LRRC4C: variants seen among roughly 807,000 people sequenced by gnomAD.
The protein encoded by LRRC4C is leucine-rich repeat-containing protein 4C.
In LRRC4C, 5 loss-of-function variants were observed where a neutral mutation model predicts 33.6. The observed-to-expected ratio is 0.15, with a 90% CI of 0.08 to 0.31. The LOEUF (loss-of-function observed/expected upper bound fraction) is 0.31, where lower values mean the gene tolerates loss of function less well. Among genes scored for constraint, LRRC4C ranks in the 10% least tolerant of loss-of-function variants. The pLI is 1.00. For synonymous variants in LRRC4C, 329 were observed against 302.0 expected (o/e 1.09, Z -0.93); for missense variants, 560 against 796.7 (o/e 0.70, Z 3.58).
At chr11:40,127,085 T>C (rs907240775) in intron 6 of LRRC4C, among the ~76,000 whole-genome samples, 1 of 152,146 alleles carries the variant, frequency 6.6e-6, no homozygotes, top group Admixed American at 6.5e-5. Context: ...GAGACCATCC[T>C]GGTGAACATG....
intron 1 of LRRC4C, among the ~76,000 whole-genome samples, chr11:41,128,770 AT>A (rs545519543): frequency 5.2e-4 from 79 of 152,018 alleles, no homozygotes; most frequent in African/African-American, 1.8e-3. Flanking sequence ...AGATTAAAAC[AT>A]TTTTTTAGGC....
Position 40,114,400 on chromosome 11 carries a change from A to G in LRRC4C, c.1893T>C (p.Ser631=), listed in dbSNP as rs144217399. The G allele has an allele frequency of 2.4e-5, 38 of 1,613,282 alleles. No homozygotes were observed. Among genetic ancestry groups the G allele is most frequent in the Non-Finnish European group, 3.1e-5 (37 of 1,179,742 alleles). ...VHEPLLIRMN[S]KDNVQETQI is the part of the protein sequence containing the mutation. ...TTTGAGTCTCTTGTACATTGTCTTT[A>G]GAGTTCATTCGGATCAATAACGGTT... is the stretch of plus-strand genomic sequence containing the variant. Residue 631 remains serine (S), a synonymous_variant, in exon 7 of 7, where the codon TCT becomes TCC. Coordinates refer to ENST00000528697, the MANE Select transcript of LRRC4C (RefSeq NM_001258419.2).
rs57575594 is a variant in LRRC4C, at chr11:40,225,790, T to C, written c.-96+15729A>G. On this transcript the variant is annotated intron_variant, in intron 5 of 6. Transcript: ENST00000528697. ...CACCACTACACCCGGCTAATATTTT[T>C]CTATTTTTAGTAGAGACAGGGTTTC... Among the ~76,000 whole-genome samples, 675 of 152,228 alleles carry C rather than the reference T, an allele frequency of 4.4e-3. 9 individuals carry two copies. The highest frequency in any genetic ancestry group is 0.028 in the Admixed American group (422 of 15,292).
chr11:40,834,911 GACACACACACACACACAC>G (rs10682975), intron 2 of LRRC4C, among the ~76,000 whole-genome samples: 1 of 84,826 alleles, frequency 1.2e-5, no homozygotes, highest in African/African-American at 3.5e-5. Flanking sequence ...CAGACAGACA[GACACACACACACACACAC>G]ACACACACAC....
At chr11:40,862,942 A>G (rs897905378) in intron 2 of LRRC4C, among the ~76,000 whole-genome samples, 2 of 152,186 alleles carry the variant, frequency 1.3e-5, no homozygotes, top group Non-Finnish European at 2.9e-5. Flanking sequence ...GGAACAAATG[A>G]TTTCTTCTGA....
chr11:41,006,204 G>A (rs575298370), intron 1 of LRRC4C, among the ~76,000 whole-genome samples: 2 of 152,298 alleles, frequency 1.3e-5, no homozygotes, highest in African/African-American at 4.8e-5. Context: ...TAATCCCAAT[G>A]TGAGTTTACT....
At chr11:40,674,538 G>T (rs779796151) in intron 2 of LRRC4C, among the ~76,000 whole-genome samples, 3 of 152,142 alleles carry the variant, frequency 2.0e-5, no homozygotes, top group Admixed American at 6.5e-5. Context: ...CTGGTGGTAA[G>T]CATCAGTTTG....
At chr11:41,267,956 G>A (rs1949204315) in intron 1 of LRRC4C, among the ~76,000 whole-genome samples, 1 of 152,080 alleles carries the variant, frequency 6.6e-6, no homozygotes, top group Admixed American at 6.6e-5. Flanking sequence ...AACACTTTGA[G>A]TACCCTGCTT....
intron 1 of LRRC4C, among the ~76,000 whole-genome samples, chr11:41,414,306 T>G (rs1393615847): frequency 6.6e-6 from 1 of 152,168 alleles, no homozygotes; most frequent in Non-Finnish European, 1.5e-5. Flanking sequence ...CTCTCTTATC[T>G]AATTTGGAAA....
At chr11:40,892,638 A>C (rs1592012043) in intron 2 of LRRC4C, among the ~76,000 whole-genome samples, 1 of 152,234 alleles carries the variant, frequency 6.6e-6, no homozygotes, top group Admixed American at 6.5e-5. Flanking sequence ...TATATGTTAC[A>C]ATGTGAATGG....
intron 1 of LRRC4C, among the ~76,000 whole-genome samples, chr11:40,989,075 A>G (rs1853311270): frequency 6.6e-6 from 1 of 152,084 alleles, no homozygotes. Context: ...TATTTTGAAC[A>G]TATCACTCTT....
intron 1 of LRRC4C, among the ~76,000 whole-genome samples, chr11:41,099,612 G>A (rs1296379217): frequency 6.6e-6 from 1 of 151,958 alleles, no homozygotes; most frequent in Middle Eastern, 3.4e-3. Flanking sequence ...TGTCAATAGA[G>A]GCAAAAAGGC....
intron 5 of LRRC4C, among the ~76,000 whole-genome samples, chr11:40,182,027 C>T (rs550391355): frequency 6.6e-6 from 1 of 152,270 alleles, no homozygotes; most frequent in East Asian, 1.9e-4. Flanking sequence ...CCCTCTCTCT[C>T]TTATTAAGAA....
chr11:41,041,465 T>A (rs1263206439), intron 1 of LRRC4C, among the ~76,000 whole-genome samples: 1 of 152,192 alleles, frequency 6.6e-6, no homozygotes, highest in East Asian at 1.9e-4. Flanking sequence ...TGTTCCGGTC[T>A]TAAAGCTGTA....
At chr11:40,342,934 C>A (rs1049461927) in intron 3 of LRRC4C, among the ~76,000 whole-genome samples, 4 of 152,066 alleles carry the variant, frequency 2.6e-5, no homozygotes, top group African/African-American at 7.2e-5. Context: ...ATCTATTTTT[C>A]TTTATTGCCT....
intron 3 of LRRC4C, among the ~76,000 whole-genome samples, chr11:40,584,897 A>C (rs1353374080): frequency 1.3e-5 from 2 of 151,502 alleles, no homozygotes; most frequent in Admixed American, 1.3e-4. Flanking sequence ...ATGCCACCAC[A>C]TTCCAAATTG....
At chr11:40,198,774 T>C (rs1182628668) in intron 5 of LRRC4C, among the ~76,000 whole-genome samples, 1 of 152,152 alleles carries the variant, frequency 6.6e-6, no homozygotes, top group Non-Finnish European at 1.5e-5. Context: ...GCCTGAATAA[T>C]AAATGGAGTC....
intron 2 of LRRC4C, among the ~76,000 whole-genome samples, chr11:40,766,079 G>A (rs1191654572): frequency 3.5e-5 from 3 of 86,924 alleles, no homozygotes; most frequent in African/African-American, 9.1e-5. Context: ...CCTAAAAGCA[G>A]CAAGAAAAAA....
chr11:41,178,854 C>G (rs1421053790), intron 1 of LRRC4C, among the ~76,000 whole-genome samples: 2 of 152,166 alleles, frequency 1.3e-5, no homozygotes, highest in Non-Finnish European at 2.9e-5. Context: ...AGGTGCCCAC[C>G]ACCATGCCCA....
Sources: allele counts gnomAD v4.1 joint callset (sites outside exome capture counted in the v4.1 genomes callset), GRCh38; gene constraint gnomAD v4.1.1; transcripts MANE v1.5; gene names NCBI Gene and HGNC (gene_info 2026-07-23, HGNC 2026-07-21).